Variants in TSPYL5 observed in about 807,000 individuals in gnomAD.
TSPYL5 encodes testis-specific Y-encoded-like protein 5.
For synonymous variants in TSPYL5, 276 were observed against 236.1 expected (o/e 1.17, Z -1.55); for missense variants, 556 against 555.5 (o/e 1.00, Z -0.01).
rs889616156 is a variant in TSPYL5 at position 97,276,437 on chromosome 8, G to T, written c.*154C>A. 1.0e-6 allele frequency: 1 copy of T among 991,128 alleles called. No individual in the cohort carries two copies. The highest frequency in any genetic ancestry group is 1.5e-6 in the Non-Finnish European group (1 of 661,224). The allele number at this position is 991,128 out of a possible 1,614,324, so 61.4% of individuals were successfully genotyped here. A position where few individuals can be genotyped will look rare whatever the true frequency, so the allele number is the denominator to read the frequency against. On this transcript the variant is annotated 3_prime_UTR_variant, in exon 1 of 1. Transcript: ENST00000322128. ...CGTAGAAAAGCAAGAGGCTATGGGA[G>T]GCAAAAGAACATGATCATAAATGCC...
In TSPYL5 at chr8:97,276,851, G is replaced by A; in HGVS notation, c.994C>T (p.Pro332Ser). 1 of 1,614,152 alleles carries A rather than the reference G, an allele frequency of 6.2e-7. No individual in the cohort carries two copies. The highest frequency in any genetic ancestry group is 8.5e-7 in the Non-Finnish European group (1 of 1,180,030). ...CTTAGGGACTGGAGATCATGCCCTGGGAGCCACTGGATTGGAGTAGAACGA... is the reference window on the plus strand; with the variant it reads ...CTTAGGGACTGGAGATCATGCCCTGAGAGCCACTGGATTGGAGTAGAACGA... ...VSRSTPIQWL[P>S]GHDLQSLSQG... is the part of the protein sequence containing the mutation. Residue 332 changes from proline to serine, a missense_variant, in exon 1 of 1, where the codon CCA becomes TCA. Pro to Ser is a moderately conservative substitution (Grantham distance 74). Coordinates refer to ENST00000322128, the MANE Select transcript of TSPYL5 (RefSeq NM_033512.3).
At position 97,276,480 on chromosome 8, in the gene TSPYL5, G is replaced by C; in HGVS notation, c.*111C>G. On this transcript the variant is annotated 3_prime_UTR_variant, in exon 1 of 1. Coordinates refer to ENST00000322128, the MANE Select transcript of TSPYL5 (RefSeq NM_033512.3). ...TAAATGCCATATTCTTGTAACTAAA[G>C]TCCAAAGGGTCTATAGTACACAGAG... The C allele has an allele frequency of 7.5e-7, 1 of 1,339,470 alleles. No homozygotes were observed. Among genetic ancestry groups the C allele is most frequent in the East Asian group, 2.3e-5 (1 of 43,230 alleles). The allele number at this position is 1,339,470 out of a possible 1,614,324, so 83.0% of individuals were successfully genotyped here. A position where few individuals can be genotyped will look rare whatever the true frequency, so the allele number is the denominator to read the frequency against.
chr8:97,276,162 T>C lies in TSPYL5; in HGVS notation c.*429A>G, dbSNP rs1455589998. The C allele has an allele frequency of 2.8e-5, 5 of 178,688 alleles. No individual in the cohort carries two copies. The highest frequency in any genetic ancestry group is 4.8e-5 in the African/African-American group (2 of 41,964). The allele number at this position is 178,688 out of a possible 1,614,324, so 11.1% of individuals were successfully genotyped here. A position where few individuals can be genotyped will look rare whatever the true frequency, so the allele number is the denominator to read the frequency against. Reference sequence around the variant, plus strand: ...CATTCTGCAGTGGCAATGGAAACGCTTGCATAGATGACATGCATGGCCAGC... The same window carrying C: ...CATTCTGCAGTGGCAATGGAAACGCCTGCATAGATGACATGCATGGCCAGC... On this transcript the variant is annotated 3_prime_UTR_variant, in exon 1 of 1. Transcript: ENST00000322128.
chr8:97,277,443 AT>A lies in TSPYL5; in HGVS notation c.401del (p.Asn134MetfsTer30). 3.9e-6 allele frequency: 6 copies of A among 1,542,742 alleles called. No homozygotes were observed. Among genetic ancestry groups the A allele is most frequent in the South Asian group, 1.3e-5 (1 of 77,970 alleles). ...CACGCCGGTTTCCAACGCGGGGGGC[AT>A]TTTTCGGCCTTCCCACGGTTCCCGC... The part of the protein sequence containing the change: ...GTAGTVGRPK[N>X]APRVGNRRGP... On this transcript the variant is annotated frameshift_variant, in exon 1 of 1. Transcript: ENST00000322128. LOFTEE classifies it low-confidence loss of function (END_TRUNC). This position sits in a 1 kb window ranked among gnomAD's most constrained non-coding sequence, Gnocchi z 4.5.
In TSPYL5 at chr8:97,275,601, G is replaced by C. The variant is rs966558191; in HGVS notation, c.*990C>G. 6.6e-6 allele frequency: 1 copy of C among 152,196 alleles called. No individual in the cohort carries two copies. Among genetic ancestry groups the C allele is most frequent in the African/African-American group, 2.4e-5 (1 of 41,390 alleles). The allele number at this position is 152,196 out of a possible 1,614,324, so 9.4% of individuals were successfully genotyped here. A position where few individuals can be genotyped will look rare whatever the true frequency, so the allele number is the denominator to read the frequency against. On this transcript the variant is annotated 3_prime_UTR_variant, in exon 1 of 1. Coordinates refer to ENST00000322128, the MANE Select transcript of TSPYL5 (RefSeq NM_033512.3). ...GACGGGAATAAGGGAAGTTGACAAT[G>C]GTATCTGGATTCTATATAGGCCCAG... is the stretch of plus-strand genomic sequence containing the variant.
rs1297878607 is a variant in TSPYL5 at position 97,274,378 on chromosome 8, T to A, written c.*2213A>T. The A allele has an allele frequency of 2.0e-5, 3 of 152,098 alleles. No individual in the cohort carries two copies. Among genetic ancestry groups the A allele is most frequent in the African/African-American group, 7.2e-5 (3 of 41,414 alleles). The allele number at this position is 152,098 out of a possible 1,614,324, so 9.4% of individuals were successfully genotyped here. A position where few individuals can be genotyped will look rare whatever the true frequency, so the allele number is the denominator to read the frequency against. On this transcript the variant is annotated 3_prime_UTR_variant, in exon 1 of 1. Transcript: ENST00000322128. ...CAAAGCCACACCTAGAACAAAAAAA[T>A]AAAGCATCCAAAGTAACATTATTCC...
Position 97,277,606 on chromosome 8 carries a change from C to T in TSPYL5, c.239G>A (p.Arg80Gln), listed in dbSNP as rs1563629492. 1 of 1,430,852 alleles carries T rather than the reference C, an allele frequency of 7.0e-7. No homozygotes were observed. Among genetic ancestry groups the T allele is most frequent in the Non-Finnish European group, 9.1e-7 (1 of 1,094,216 alleles). The allele number at this position is 1,430,852 out of a possible 1,614,324, so 88.6% of individuals were successfully genotyped here. A position where few individuals can be genotyped will look rare whatever the true frequency, so the allele number is the denominator to read the frequency against. Residue 80 changes from arginine to glutamine, a missense_variant, in exon 1 of 1, where the codon CGG (arginine) becomes CAG (glutamine). Physicochemically the swap from Arg to Gln is conservative, Grantham distance 43. Coordinates refer to ENST00000322128, the MANE Select transcript of TSPYL5 (RefSeq NM_033512.3). This position sits in a 1 kb window ranked among gnomAD's most constrained non-coding sequence, Gnocchi z 4.5. ...CGCGAGGCCACAGTCCAGGGGGAGC[C>T]GGCAGGCGGCCTCCTCCCCGAGCCG... Reference protein sequence around the residue: ...LLRLGEEAACRLPLDCGLALR... With the variant: ...LLRLGEEAACQLPLDCGLALR...
Position 97,276,774 on chromosome 8 carries a change from G to A in TSPYL5, c.1071C>T (p.His357=). 3 of 1,614,186 alleles carry A rather than the reference G, an allele frequency of 1.9e-6. No homozygotes were observed. The highest frequency in any genetic ancestry group is 2.5e-6 in the Non-Finnish European group (3 of 1,180,034). The change falls in exon 1 of 1, where the codon CAC becomes CAT. Residue 357 remains histidine (H), a synonymous_variant. Transcript: ENST00000322128. ...NRSFFGWFSN[H]SSIESDKIVE... The stretch of plus-strand genomic sequence containing the variant: ...CAATCTTGTCAGACTCAATGGAGCT[G>A]TGGTTTGAAAACCACCCAAAGAAAC...
rs1340611033 is a variant in TSPYL5 at position 97,274,130 on chromosome 8, A to T, written c.*2461T>A. On this transcript the variant is annotated 3_prime_UTR_variant, in exon 1 of 1. Coordinates refer to ENST00000322128, the MANE Select transcript of TSPYL5 (RefSeq NM_033512.3). ...GATGAAACCAGGTTGACCATAGCTG[A>T]TAAGTGATGCAGCTAGGTGATGGAC... 2 of 152,144 alleles carry T rather than the reference A, an allele frequency of 1.3e-5. No individual in the cohort carries two copies. Among genetic ancestry groups the T allele is most frequent in the African/African-American group, 4.8e-5 (2 of 41,430 alleles). The allele number at this position is 152,144 out of a possible 1,614,324, so 9.4% of individuals were successfully genotyped here. A position where few individuals can be genotyped will look rare whatever the true frequency, so the allele number is the denominator to read the frequency against.
At position 97,274,302 on chromosome 8, in the gene TSPYL5, CG is replaced by C. The variant is rs1195728695; in HGVS notation, c.*2288del. On this transcript the variant is annotated 3_prime_UTR_variant, in exon 1 of 1. Coordinates refer to ENST00000322128, the MANE Select transcript of TSPYL5 (RefSeq NM_033512.3). ...CCCATTAGACTAAAATGGGGAAAGT[CG>C]TAAGACTTTAAAGGCAAAATGTGCA... The C allele has an allele frequency of 6.6e-6, 1 of 151,928 alleles. No individual in the cohort carries two copies. The highest frequency in any genetic ancestry group is 1.9e-4 in the East Asian group (1 of 5,192). The allele number at this position is 151,928 out of a possible 1,614,324, so 9.4% of individuals were successfully genotyped here.
rs781636933 is a variant in TSPYL5 at position 97,276,547 on chromosome 8, C to A, written c.*44G>T. On this transcript the variant is annotated 3_prime_UTR_variant, in exon 1 of 1. Coordinates refer to ENST00000322128, the MANE Select transcript of TSPYL5 (RefSeq NM_033512.3). ...GGCAGAGAGCCAAATATGTAGTCAA[C>A]CAGGAGCAGCCCAGCAGGAGGTAGC... 6.3e-6 allele frequency: 10 copies of A among 1,580,438 alleles called. No homozygotes were observed. The highest frequency in any genetic ancestry group is 8.6e-6 in the Non-Finnish European group (10 of 1,165,074).
rs1449159068 is a variant in TSPYL5 at position 97,277,131 on chromosome 8, C to T, written c.714G>A (p.Leu238=). ...TTTGGATGAGGTGGTTCCTGCGCTC[C>T]AAGTGCTGCAGTCGCAACTGCCCAA... The part of the protein sequence containing the change: ...RKFGQLRLQH[L]ERRNHLIQNI... Residue 238 remains leucine (L), a synonymous_variant, in exon 1 of 1, where the codon TTG becomes TTA. Coordinates refer to ENST00000322128, the MANE Select transcript of TSPYL5 (RefSeq NM_033512.3). The surrounding 1 kb of genome is among the most constrained non-coding windows in gnomAD (Gnocchi z 4.5). 5.6e-6 allele frequency: 9 copies of T among 1,610,532 alleles called. No individual in the cohort carries two copies. In the African/African-American group the frequency reaches 1.2e-4, roughly 21 times the overall value.
chr8:97,277,134 G>GTGC lies in TSPYL5; in HGVS notation c.708_710dup (p.Gln236dup), dbSNP rs769488655. ...GGATGAGGTGGTTCCTGCGCTCCAA[G>GTGC]TGCTGCAGTCGCAACTGCCCAAACT... On this transcript the variant is annotated inframe_insertion, in exon 1 of 1. Coordinates refer to ENST00000322128, the MANE Select transcript of TSPYL5 (RefSeq NM_033512.3). This position sits in a 1 kb window ranked among gnomAD's most constrained non-coding sequence, Gnocchi z 4.5. 28 of 1,610,602 alleles carry GTGC rather than the reference G, an allele frequency of 1.7e-5. No individual in the cohort carries two copies. In the East Asian group the frequency reaches 6.2e-4, roughly 36 times the overall value.
rs1810486759 is a variant in TSPYL5, at chr8:97,274,818, T to C, written c.*1773A>G. The C allele has an allele frequency of 1.3e-5, 2 of 152,246 alleles. No homozygotes were observed. Among genetic ancestry groups the C allele is most frequent in the African/African-American group, 4.8e-5 (2 of 41,446 alleles). The allele number at this position is 152,246 out of a possible 1,614,324, so 9.4% of individuals were successfully genotyped here. ...GATAAGAGAGGGAAAGGCCCAGCTC[T>C]GCTTTTACACCCACTGGAAATAACC... On this transcript the variant is annotated 3_prime_UTR_variant, in exon 1 of 1. Coordinates refer to ENST00000322128, the MANE Select transcript of TSPYL5 (RefSeq NM_033512.3).
At position 97,277,722 on chromosome 8, in the gene TSPYL5, G is replaced by A; in HGVS notation, c.123C>T (p.Tyr41=). The change falls in exon 1 of 1, where the codon TAC becomes TAT. Residue 41 remains tyrosine, a synonymous_variant. Transcript: ENST00000322128. The surrounding 1 kb of genome is among the most constrained non-coding windows in gnomAD (Gnocchi z 4.5). ...DAPRDPDPSQ[Y]QSLGEDTQAA... ...CCTGGGTGTCTTCCCCGAGACTCTG[G>A]TACTGTGAAGGGTCCGGGTCGCGCG... 1.9e-6 allele frequency: 3 copies of A among 1,564,348 alleles called. No homozygotes were observed. Among genetic ancestry groups the A allele is most frequent in the Non-Finnish European group, 2.6e-6 (3 of 1,158,984 alleles).
rs774166479 is a variant in TSPYL5, at chr8:97,277,434, G to A, written c.411C>T (p.Arg137=). 7 of 1,546,860 alleles carry A rather than the reference G, an allele frequency of 4.5e-6. No individual in the cohort carries two copies. The South Asian group carries it at 7.6e-5, about 17-fold the overall frequency. Residue 137 remains arginine, a synonymous_variant, in exon 1 of 1, where the codon CGC becomes CGT. Transcript: ENST00000322128. The surrounding 1 kb of genome is among the most constrained non-coding windows in gnomAD (Gnocchi z 4.5). ...CGGCAGGGCCACGCCGGTTTCCAAC[G>A]CGGGGGGCATTTTTCGGCCTTCCCA... ...GTVGRPKNAP[R]VGNRRGPAGK... is the part of the protein sequence containing the mutation.
At position 97,276,614 on chromosome 8, in the gene TSPYL5, G is replaced by C. The variant is rs773637175; in HGVS notation, c.1231C>G (p.Pro411Ala). The C allele has an allele frequency of 3.1e-6, 5 of 1,613,876 alleles. No homozygotes were observed. Residue 411 changes from proline (P) to alanine (A), a missense_variant, in exon 1 of 1, where the codon CCT (proline) becomes GCT (alanine). Physicochemically the swap from Pro to Ala is conservative, Grantham distance 27. Transcript: ENST00000322128. ...GATCAGTTGGATTGGCTCACCCCAG[G>C]CTGAGTAGTCTCCATTGGCTGCTTT... ...PGKQPMETTQPGVSQSN is the reference protein window; with the variant it reads ...PGKQPMETTQAGVSQSN
chr8:97,277,566 A>G lies in TSPYL5; in HGVS notation c.279T>C (p.Ala93=), dbSNP rs1356094041. The G allele has an allele frequency of 1.4e-6, 2 of 1,466,474 alleles. No individual in the cohort carries two copies. The highest frequency in any genetic ancestry group is 1.8e-6 in the Non-Finnish European group (2 of 1,112,318). The allele number at this position is 1,466,474 out of a possible 1,614,324, so 90.8% of individuals were successfully genotyped here. The part of the protein sequence containing the change: ...LDCGLALRAR[A]AGDHGQAAAR... ...CCGCGGCCTGCCCGTGGTCCCCCGC[A>G]GCTCGGGCCCGCAGCGCGAGGCCAC... Residue 93 remains alanine, a synonymous_variant, in exon 1 of 1, where the codon GCT becomes GCC. Transcript: ENST00000322128. This position sits in a 1 kb window ranked among gnomAD's most constrained non-coding sequence, Gnocchi z 4.5.
chr8:97,275,294 A>G lies in TSPYL5; in HGVS notation c.*1297T>C, dbSNP rs1460377838. ...GTGCCAAGTTCTCAGCTACCTCCCC[A>G]GCTGTATGTAGAAAAATGTGGTTTT... is the stretch of plus-strand genomic sequence containing the variant. On this transcript the variant is annotated 3_prime_UTR_variant, in exon 1 of 1. Coordinates refer to ENST00000322128, the MANE Select transcript of TSPYL5 (RefSeq NM_033512.3). The G allele has an allele frequency of 1.3e-5, 2 of 151,618 alleles. No homozygotes were observed. Among genetic ancestry groups the G allele is most frequent in the Admixed American group, 1.3e-4 (2 of 15,220 alleles). The allele number at this position is 151,618 out of a possible 1,614,324, so 9.4% of individuals were successfully genotyped here. A position where few individuals can be genotyped will look rare whatever the true frequency, so the allele number is the denominator to read the frequency against.
Sources: gnomAD v4.1 joint callset for allele counts on GRCh38, gnomAD v4.1.1 for gene constraint, Gnocchi (gnomAD v3.1) non-coding constraint, MANE v1.5 for transcripts, NCBI Gene and HGNC (gene_info 2026-07-23, HGNC 2026-07-21) for gene names.